The following KAZN variants were observed in gnomAD, a reference collection of about 807,000 sequenced individuals.
KAZN encodes kazrin, periplakin interacting protein, also known as kazrin.
In KAZN, 40 loss-of-function variants were observed where a neutral mutation model predicts 87.4. The observed-to-expected ratio is 0.46, with a 90% confidence interval of 0.36 to 0.60. The LOEUF (loss-of-function observed/expected upper bound fraction) is 0.60. Ranked by LOEUF, KAZN falls within the 20% of genes least tolerant of loss-of-function variation. The pLI is 0.00. For synonymous variants in KAZN, 466 were observed against 458.3 expected, an observed-to-expected ratio of 1.02 and a Z score of -0.22; for missense variants, 898 against 1,073.9, an observed-to-expected ratio of 0.84 and a Z score of 2.29.
At chr1:13,910,272 G>A (rs567612515) in intron 1 of KAZN, among the ~76,000 whole-genome samples, 1 of 152,298 alleles carries the variant, frequency 6.6e-6, no homozygotes, top group South Asian at 2.1e-4. Context: ...ACTTTGGGAG[G>A]CTGAGGTGAG....
chr1:14,112,778 GCTT>G (rs1468448596), intron 1 of KAZN, among the ~76,000 whole-genome samples: 1 of 152,214 alleles, frequency 6.6e-6, no homozygotes, highest in Non-Finnish European at 1.5e-5. Context: ...GGCTGGCTGT[GCTT>G]CTTGTTCCTG....
At chr1:14,186,332 G>A (rs1646306532) in intron 2 of KAZN, among the ~76,000 whole-genome samples, 1 of 152,126 alleles carries the variant, frequency 6.6e-6, no homozygotes, top group African/African-American at 2.4e-5. Flanking sequence ...TGAGGATTCG[G>A]TTAGGATTCC....
intron 1 of KAZN, among the ~76,000 whole-genome samples, chr1:14,032,735 C>T (rs115707934): frequency 1.2e-3 from 186 of 152,230 alleles, no homozygotes; most frequent in African/African-American, 4.0e-3. Flanking sequence ...ACCTCCTTAA[C>T]GTGTGTAACT....
chr1:14,393,635 CAATT>C lies in KAZN; in HGVS notation c.250-205344_250-205341del, dbSNP rs543027290. Among the ~76,000 whole-genome samples, 822 of 152,156 alleles carry C rather than the reference CAATT, an allele frequency of 5.4e-3. 7 individuals carry two copies. The highest frequency in any genetic ancestry group is 0.019 in the African/African-American group (773 of 41,528). On this transcript the variant is annotated intron_variant, in intron 2 of 16. Coordinates refer to the KAZN transcript ENST00000636203. ...AAGTGGCACCCTCCCCAGTCTCTGA[CAATT>C]AATATCTGTGCTTGGATGTTTTCTT...
At chr1:14,420,650 C>G (rs985912767) in intron 2 of KAZN, among the ~76,000 whole-genome samples, 19 of 152,336 alleles carry the variant, frequency 1.2e-4, no homozygotes, top group Non-Finnish European at 2.2e-4. Context: ...CCTGCCATGC[C>G]GGGAGGCAGT....
At chr1:15,064,805 C>T (rs556473842) in intron 7 of KAZN, among the ~76,000 whole-genome samples, 1 of 152,352 alleles carries the variant, frequency 6.6e-6, no homozygotes, top group South Asian at 2.1e-4. Flanking sequence ...GCACGGCAGA[C>T]AGGGCCTGTG....
At chr1:15,019,781 TA>T in intron 2 of KAZN, among the ~76,000 whole-genome samples, 1 of 152,286 alleles carries the variant, frequency 6.6e-6, no homozygotes, top group Admixed American at 6.5e-5. Flanking sequence ...AGGTGTAGAA[TA>T]ATACCCACCC....
chr1:14,892,886 G>A (rs976880167), intron 1 of KAZN, among the ~76,000 whole-genome samples: 1 of 152,206 alleles, frequency 6.6e-6, no homozygotes, highest in African/African-American at 2.4e-5. Context: ...GGAATGGACA[G>A]AGGAAGGACC....
At chr1:14,992,882 G>C (rs142127513) in intron 2 of KAZN, among the ~76,000 whole-genome samples, 1 of 151,908 alleles carries the variant, frequency 6.6e-6, no homozygotes, top group Non-Finnish European at 1.5e-5. Context: ...GGACTCAAGC[G>C]ATCCACTCGC....
chr1:14,838,677 T>C (rs749488920), intron 1 of KAZN, among the ~76,000 whole-genome samples: 10 of 152,118 alleles, frequency 6.6e-5, no homozygotes, highest in Non-Finnish European at 1.0e-4. Context: ...CTGGAGTGCA[T>C]TGGTGGGATC....
chr1:14,973,332 C>T (rs914987874), intron 2 of KAZN, among the ~76,000 whole-genome samples: 2 of 152,204 alleles, frequency 1.3e-5, no homozygotes, highest in East Asian at 3.8e-4. Context: ...CCTAAGGAAA[C>T]TGAACACTCA....
chr1:14,865,938 A>G (rs781226436), intron 1 of KAZN, among the ~76,000 whole-genome samples: 24 of 152,114 alleles, frequency 1.6e-4, no homozygotes, highest in Non-Finnish European at 3.1e-4. Context: ...GGAGGCAGGA[A>G]AGATTCTCTC....
intron 2 of KAZN, among the ~76,000 whole-genome samples, chr1:14,200,098 T>C (rs1018798480): frequency 2.6e-5 from 4 of 152,146 alleles, no homozygotes; most frequent in African/African-American, 9.7e-5. Context: ...TTGTTTTTGT[T>C]GTTTTAAACC....
At chr1:14,256,200 G>A (rs926501723) in intron 2 of KAZN, among the ~76,000 whole-genome samples, 5 of 152,000 alleles carry the variant, frequency 3.3e-5, no homozygotes, top group Admixed American at 6.6e-5. Flanking sequence ...TGTATTTCCC[G>A]GTGCGTTGGA....
intron 10 of KAZN, among the ~76,000 whole-genome samples, chr1:15,095,823 A>G (rs938075616): frequency 1.3e-5 from 2 of 152,134 alleles, no homozygotes; most frequent in Non-Finnish European, 2.9e-5. Context: ...CTGGTTTGGA[A>G]GCAGGAAAAC....
At chr1:14,938,350 T>C (rs1384548554) in intron 1 of KAZN, among the ~76,000 whole-genome samples, 1 of 152,174 alleles carries the variant, frequency 6.6e-6, no homozygotes, top group African/African-American at 2.4e-5. Flanking sequence ...GAGACCAGCC[T>C]GGCCAAAATG....
At chr1:15,110,509 G>GTTTGTA (rs775658003) in intron 13 of KAZN, among the ~76,000 whole-genome samples, 865 of 81,364 alleles carry the variant, frequency 0.011, 5 homozygotes, top group African/African-American at 0.033. Context: ...GTGTGTATTT[G>GTTTGTA]TGTGTTTGTG....
intron 2 of KAZN, among the ~76,000 whole-genome samples, chr1:14,213,272 C>A (rs1646892515): frequency 6.6e-6 from 1 of 152,192 alleles, no homozygotes; most frequent in South Asian, 2.1e-4. Flanking sequence ...ACTGTTCTCA[C>A]TGGGTCATGC....
At position 13,972,338 on chromosome 1, in the gene KAZN, A is replaced by G. The variant is rs138642331; in HGVS notation, c.91+78582A>G. Among the ~76,000 whole-genome samples, 1,000 of 142,670 alleles carry G rather than the reference A, an allele frequency of 7.0e-3. 6 individuals carry two copies. Among genetic ancestry groups the G allele is most frequent in the Middle Eastern group, 0.016 (4 of 256 alleles). The allele number at this position is 142,670 out of a possible 152,430, so 93.6% of individuals were successfully genotyped here. On this transcript the variant is annotated intron_variant, in intron 1 of 16. Transcript: ENST00000636203. Reference sequence around the variant, plus strand: ...ACCCAGGCCGGAGTGCAGTGGCGCTATCTTGGCTCATTGCAAGCTCTGCCT... The same window carrying G: ...ACCCAGGCCGGAGTGCAGTGGCGCTGTCTTGGCTCATTGCAAGCTCTGCCT...
Sources: gnomAD v4.1 joint callset for allele counts (sites outside exome capture counted in the v4.1 genomes callset) on GRCh38, gnomAD v4.1.1 for gene constraint, MANE v1.5 for transcripts, NCBI Gene and HGNC (gene_info 2026-07-23, HGNC 2026-07-21) for gene names.